The following C12orf42 variants were observed in gnomAD, a reference collection of about 807,000 sequenced individuals.
C12orf42 encodes the protein uncharacterized protein C12orf42.
C12orf42 carries 25 observed loss-of-function variants against 21.6 expected under a neutral mutation model. The ratio of observed to expected loss-of-function variants is 1.16; its 90% CI spans 0.84 to 1.62. C12orf42 has a LOEUF of 1.62. Ranked by LOEUF, C12orf42 falls within the 40% of genes most tolerant of loss-of-function variation. The pLI, the probability that C12orf42 is intolerant of heterozygous loss-of-function variation, is 0.00. For synonymous variants in C12orf42, 174 were observed against 175.0 expected (o/e 0.99, Z 0.05); for missense variants, 483 against 459.3 (o/e 1.05, Z -0.47).
chr12:103,361,588 G>A (rs1409377718), intron 4 of C12orf42, among the ~76,000 whole-genome samples: 1 of 151,280 alleles, frequency 6.6e-6, no homozygotes, highest in Non-Finnish European at 1.5e-5. Flanking sequence ...AGCCCTAAGT[G>A]CTTTCTCAGT....
chr12:103,083,496 C>T, the C12orf42 span, among the ~76,000 whole-genome samples: 4 of 152,134 alleles, frequency 2.6e-5, no homozygotes, highest in Non-Finnish European at 5.9e-5. Flanking sequence ...TGAGGCAAGG[C>T]CAAACTAGTT....
chr12:103,161,168 GT>G, the C12orf42 span, among the ~76,000 whole-genome samples: 1 of 152,194 alleles, frequency 6.6e-6, no homozygotes, highest in African/African-American at 2.4e-5. Flanking sequence ...AAATCTTAGA[GT>G]TTCTCTTGGA....
chr12:103,469,131 A>G (rs1179552900), intron 2 of C12orf42, among the ~76,000 whole-genome samples: 1 of 152,164 alleles, frequency 6.6e-6, no homozygotes, highest in Non-Finnish European at 1.5e-5. Flanking sequence ...TCCAGTTCCC[A>G]GTATGGGACG....
At chr12:103,378,793 C>T (rs2045920265) in intron 3 of C12orf42, 1 of 152,120 alleles carries the variant, frequency 6.6e-6, no homozygotes, top group Non-Finnish European at 1.5e-5. Context: ...ATAGCTTGAT[C>T]TGGAAAATGA....
At chr12:103,068,951 A>G in the C12orf42 span, among the ~76,000 whole-genome samples, 1 of 71,658 alleles carries the variant, frequency 1.4e-5, no homozygotes, top group Non-Finnish European at 2.7e-5. Context: ...ATATATATAT[A>G]TATATATATA....
the C12orf42 span, among the ~76,000 whole-genome samples, chr12:103,086,364 G>T: frequency 6.6e-6 from 1 of 150,692 alleles, no homozygotes; most frequent in Non-Finnish European, 1.5e-5. Flanking sequence ...ATTTTGTTCT[G>T]GTTTAAGATG....
At chr12:103,290,450 C>G (rs951623708) in intron 4 of C12orf42, among the ~76,000 whole-genome samples, 1 of 152,142 alleles carries the variant, frequency 6.6e-6, no homozygotes, top group Non-Finnish European at 1.5e-5. Flanking sequence ...TAAAATGGGT[C>G]AACAGGCAAT....
intron 5 of C12orf42, among the ~76,000 whole-genome samples, chr12:103,273,511 T>G (rs1280549146): frequency 6.6e-6 from 1 of 152,162 alleles, no homozygotes; most frequent in Non-Finnish European, 1.5e-5. Context: ...TTATGTAGTT[T>G]TACCTCGACC....
chr12:103,454,515 T>C (rs913716405), intron 2 of C12orf42, among the ~76,000 whole-genome samples: 2 of 152,162 alleles, frequency 1.3e-5, no homozygotes, highest in Non-Finnish European at 2.9e-5. Flanking sequence ...GCCAAAAATA[T>C]ATTCAAATTT....
the C12orf42 span, among the ~76,000 whole-genome samples, chr12:103,516,944 C>G: frequency 6.6e-6 from 1 of 152,132 alleles, no homozygotes; most frequent in Non-Finnish European, 1.5e-5. Context: ...GCAACAAAAT[C>G]CTGGAAAGAA....
rs139746410 is a variant in C12orf42, at chr12:103,491,747, G to A, written c.-22+4155C>T. ...TGGAGAGAATGGAAAACTCACCCTG[G>A]CTTAAAACTCAAGCCTCATTTCTCA... On this transcript the variant is annotated intron_variant, in intron 1 of 5. Transcript: ENST00000548883. Among the ~76,000 whole-genome samples the A allele has an allele frequency of 3.3e-5, 5 of 152,226 alleles. No individual in the cohort carries two copies. In the East Asian group the frequency reaches 9.7e-4, roughly 29 times the overall value.
chr12:103,095,805 C>T, the C12orf42 span, among the ~76,000 whole-genome samples: 9 of 152,064 alleles, frequency 5.9e-5, no homozygotes, highest in African/African-American at 1.4e-4. Flanking sequence ...TAGAGTTGAA[C>T]GGGAGGACTT....
At chr12:103,345,234 T>A (rs1455340307) in intron 4 of C12orf42, among the ~76,000 whole-genome samples, 2 of 152,194 alleles carry the variant, frequency 1.3e-5, no homozygotes, top group East Asian at 3.8e-4. Flanking sequence ...ATTAACTCTA[T>A]AATAACTGGG....
the C12orf42 span, among the ~76,000 whole-genome samples, chr12:103,528,744 T>C: frequency 6.6e-6 from 1 of 152,202 alleles, no homozygotes; most frequent in East Asian, 1.9e-4. Context: ...TGAGTTTTTT[T>C]CCTTATAAAA....
intron 4 of C12orf42, among the ~76,000 whole-genome samples, chr12:103,288,285 G>A (rs10860977): frequency 0.48 from 73,241 of 152,056 alleles, 19,971 homozygotes; most frequent in African/African-American, 0.74. Flanking sequence ...TTGTAACTTA[G>A]CAGAAGTTAA....
At chr12:103,113,716 A>C in the C12orf42 span, among the ~76,000 whole-genome samples, 5 of 152,206 alleles carry the variant, frequency 3.3e-5, no homozygotes, top group African/African-American at 1.2e-4. Context: ...AGTTTGGTTT[A>C]AGGTAAGTAA....
At chr12:103,306,820 T>A (rs1186762861) in intron 4 of C12orf42, among the ~76,000 whole-genome samples, 2 of 152,088 alleles carry the variant, frequency 1.3e-5, no homozygotes, top group African/African-American at 4.8e-5. Flanking sequence ...TAAGATGAAA[T>A]CATTCTGGAT....
At chr12:103,201,244 T>C in the C12orf42 span, among the ~76,000 whole-genome samples, 1 of 152,156 alleles carries the variant, frequency 6.6e-6, no homozygotes, top group Non-Finnish European at 1.5e-5. Flanking sequence ...ACTTTTCAGA[T>C]GTAACGGTTT....
chr12:103,147,493 CTTTTTTTTTCTTTTTTT>C, the C12orf42 span, among the ~76,000 whole-genome samples: 1 of 84,990 alleles, frequency 1.2e-5, no homozygotes, highest in Admixed American at 1.2e-4. Flanking sequence ...TTCTTTTTTT[CTTTTTTTTTCTTTTTTT>C]TTTTTTTTTT....
Sources: gnomAD v4.1 joint callset for allele counts (sites outside exome capture counted in the v4.1 genomes callset) on GRCh38, gnomAD v4.1.1 for gene constraint, MANE v1.5 for transcripts, NCBI Gene and HGNC (gene_info 2026-07-23, HGNC 2026-07-21) for gene names.